MAPK8: variants seen among roughly 807,000 people sequenced by gnomAD.
MAPK8 encodes the protein JUN N-terminal kinase.
Under a neutral mutation model 52.9 loss-of-function variants are expected in MAPK8, and 13 were observed. That is an observed-to-expected ratio of 0.25 (90% CI 0.16 to 0.39). MAPK8 has a LOEUF of 0.39. MAPK8 is among the 10% of genes least tolerant of loss of function. The pLI is 1.00. For missense variants in MAPK8, 300 were observed against 519.2 expected (o/e 0.58, Z 4.10); for synonymous variants, 191 against 169.8 (o/e 1.12, Z -0.97).
intron 1 of MAPK8, among the ~76,000 whole-genome samples, chr10:48,319,027 A>G (rs1842751613): frequency 6.6e-6 from 1 of 152,170 alleles, no homozygotes; most frequent in Admixed American, 6.5e-5. Context: ...GATGTGAGGT[A>G]TGAGAGGATT....
intron 1 of MAPK8, among the ~76,000 whole-genome samples, chr10:48,382,091 T>C (rs1564558456): frequency 6.6e-6 from 1 of 152,152 alleles, no homozygotes; most frequent in South Asian, 2.1e-4. Context: ...AGTCCTCACT[T>C]GTTAGAGCCC....
In MAPK8 at chr10:48,434,999, A is replaced by C; in HGVS notation, c.1254A>C (p.Ala418=). 1 of 1,404,004 alleles carries C rather than the reference A, an allele frequency of 7.1e-7. No homozygotes were observed. The highest frequency in any genetic ancestry group is 9.5e-7 in the Non-Finnish European group (1 of 1,049,670). 87.0% of individuals were successfully genotyped at this position (1,404,004 alleles called of 1,614,324 possible). A position where few individuals can be genotyped will look rare whatever the true frequency, so the allele number is the denominator to read the frequency against. The change falls in exon 12 of 12, where the codon GCA becomes GCC. Residue 418 remains alanine, a synonymous_variant. Transcript: ENST00000374189. ...LASDTDSSLE[A]AAGPLGCCR ...CTGATACAGACAGCAGTCTAGAAGC[A>C]GCAGCTGGGCCTCTGGGCTGCTGTA...
intron 1 of MAPK8, among the ~76,000 whole-genome samples, chr10:48,386,389 A>G (rs368521660): frequency 2.0e-4 from 30 of 152,220 alleles, no homozygotes; most frequent in African/African-American, 7.0e-4. Context: ...TAGATTTAAA[A>G]TTAAAATAGC....
chr10:48,349,526 T>C (rs1025789785), intron 1 of MAPK8, among the ~76,000 whole-genome samples: 1 of 152,130 alleles, frequency 6.6e-6, no homozygotes, highest in Admixed American at 6.5e-5. Flanking sequence ...GACTACTGGG[T>C]AAATAATGAA....
chr10:48,410,055 G>A lies in MAPK8; in HGVS notation c.337G>A (p.Ala113Thr), dbSNP rs2042668649. The change falls in exon 5 of 12, where the codon GCA becomes ACA. Residue 113 changes from alanine (A) to threonine (T), a missense_variant. Ala to Thr is a moderately conservative substitution (Grantham distance 58, BLOSUM62 0). This residue lies in a region of MAPK8 where 147 missense variants were observed against 328.1 expected (regional missense o/e 0.45). Transcript: ENST00000374189. ...TTACATAGTCATGGAGCTCATGGATGCAAATCTTTGCCAAGTGATTCAGAT... is the reference window on the plus strand; with the variant it reads ...TTACATAGTCATGGAGCTCATGGATACAAATCTTTGCCAAGTGATTCAGAT... Reference protein sequence around the residue: ...DVYIVMELMDANLCQVIQMEL... With the variant: ...DVYIVMELMDTNLCQVIQMEL... The A allele has an allele frequency of 6.2e-6, 10 of 1,601,694 alleles. No homozygotes were observed. The highest frequency in any genetic ancestry group is 8.5e-6 in the Non-Finnish European group (10 of 1,174,974).
intron 1 of MAPK8, 153 bp downstream of exon 1, chr10:48,306,974 A>T (rs1028151934): frequency 1.3e-5 from 2 of 151,822 alleles, no homozygotes; most frequent in Non-Finnish European, 1.5e-5. Context: ...GCGGCGCGGG[A>T]ACAATAGCGG....
chr10:48,330,776 T>C (rs1224444268), intron 1 of MAPK8, among the ~76,000 whole-genome samples: 1 of 152,150 alleles, frequency 6.6e-6, no homozygotes, highest in Non-Finnish European at 1.5e-5. Context: ...TTATCCCCCT[T>C]AAAAGGTTAT....
chr10:48,435,945 C>T lies in MAPK8; in HGVS notation c.*916C>T, dbSNP rs552387686. ...TCAGGCTGTAGGTCCCAGCAATGTT[C>T]TAGAGTCTGGTCTTTCCCTTTCCTG... On this transcript the variant is annotated 3_prime_UTR_variant, in exon 12 of 12. Coordinates refer to ENST00000374189, the MANE Select transcript of MAPK8 (RefSeq NM_001323329.2). The T allele has an allele frequency of 6.6e-6, 1 of 152,236 alleles. No individual in the cohort carries two copies. Among genetic ancestry groups the T allele is most frequent in the Non-Finnish European group, 1.5e-5 (1 of 68,050 alleles). The allele number at this position is 152,236 out of a possible 1,614,324, so 9.4% of individuals were successfully genotyped here. A position where few individuals can be genotyped will look rare whatever the true frequency, so the allele number is the denominator to read the frequency against.
chr10:48,309,928 C>A (rs1032147988), intron 1 of MAPK8, among the ~76,000 whole-genome samples: 1 of 152,192 alleles, frequency 6.6e-6, no homozygotes, highest in African/African-American at 2.4e-5. Flanking sequence ...AATCATTTGC[C>A]TATGTCAGTG....
At chr10:48,338,102 A>G (rs1422045986) in intron 1 of MAPK8, among the ~76,000 whole-genome samples, 1 of 152,082 alleles carries the variant, frequency 6.6e-6, no homozygotes, top group Non-Finnish European at 1.5e-5. Context: ...ATTCTTTGAA[A>G]CCAGTATCAT....
At chr10:48,419,158 C>T (rs1399487530) in intron 5 of MAPK8, among the ~76,000 whole-genome samples, 1 of 151,934 alleles carries the variant, frequency 6.6e-6, no homozygotes, top group Admixed American at 6.6e-5. Context: ...GATTGCCTGT[C>T]GAAATATGTT....
At chr10:48,359,823 A>G (rs534535476) in intron 1 of MAPK8, among the ~76,000 whole-genome samples, 1 of 152,386 alleles carries the variant, frequency 6.6e-6, no homozygotes, top group East Asian at 1.9e-4. Flanking sequence ...AATAACATAA[A>G]GAGCATATTA....
At chr10:48,400,977 CTT>C (rs2042130865) in intron 1 of MAPK8, among the ~76,000 whole-genome samples, 4 of 152,106 alleles carry the variant, frequency 2.6e-5, no homozygotes, top group African/African-American at 9.7e-5. Flanking sequence ...TGCCTAACTA[CTT>C]CTCTCTCTCT....
At chr10:48,366,802 C>G (rs770903259) in intron 1 of MAPK8, among the ~76,000 whole-genome samples, 5 of 150,972 alleles carry the variant, frequency 3.3e-5, no homozygotes, top group Non-Finnish European at 7.4e-5. Flanking sequence ...CTTTTTTTAC[C>G]CTGTTAACAA....
chr10:48,401,543 G>C, intron 1 of MAPK8, 69 bp from the exon 2 acceptor site: 1 of 1,025,126 alleles, frequency 9.8e-7, no homozygotes, highest in Admixed American at 2.2e-5. Flanking sequence ...TACGTAAACA[G>C]TAAGGACTCA....
At chr10:48,320,385 A>G (rs1463886282) in intron 1 of MAPK8, among the ~76,000 whole-genome samples, 2 of 151,540 alleles carry the variant, frequency 1.3e-5, no homozygotes, top group Non-Finnish European at 2.9e-5. Context: ...CCACAGGCAC[A>G]TGCCACCACA....
intron 1 of MAPK8, among the ~76,000 whole-genome samples, chr10:48,366,017 A>G (rs1157380046): frequency 6.6e-6 from 1 of 152,174 alleles, no homozygotes; most frequent in Non-Finnish European, 1.5e-5. Flanking sequence ...TCCACAGTAA[A>G]TCAAAGACAA....
chr10:48,320,527 A>G (rs182692830), intron 1 of MAPK8, among the ~76,000 whole-genome samples: 85 of 152,194 alleles, frequency 5.6e-4, no homozygotes, highest in African/African-American at 2.0e-3. Context: ...GGCATGAACC[A>G]CAGTGCCTGA....
intron 1 of MAPK8, among the ~76,000 whole-genome samples, chr10:48,367,578 A>G (rs1589090177): frequency 6.6e-6 from 1 of 152,182 alleles, no homozygotes; most frequent in Non-Finnish European, 1.5e-5. Flanking sequence ...AAGTAACATT[A>G]TTATGAAAAG....
Sources: gnomAD v4.1 joint callset for allele counts (sites outside exome capture counted in the v4.1 genomes callset) on GRCh38, gnomAD v4.1.1 for gene constraint, gnomAD v4.1.1 regional missense constraint, MANE v1.5 for transcripts, NCBI Gene and HGNC (gene_info 2026-07-23, HGNC 2026-07-21) for gene names.